The following GDAP1 variants were observed in gnomAD, a reference collection of about 807,000 sequenced individuals.
The protein encoded by GDAP1 is ganglioside induced differentiation associated protein 1.
Under a neutral mutation model 40.1 loss-of-function variants are expected in GDAP1, and 34 were observed. The observed-to-expected ratio is 0.85, with a 90% CI of 0.64 to 1.13. The LOEUF is 1.13. Among genes scored for constraint, GDAP1 ranks in the 50% most tolerant of loss-of-function variants. GDAP1 has a pLI of 0.00. For missense variants in GDAP1, 374 were observed against 433.7 expected (o/e 0.86, Z 1.22); for synonymous variants, 170 against 157.4 (o/e 1.08, Z -0.60).
At chr8:74,373,796 G>A (rs10103846) in intron 2 of GDAP1, among the ~76,000 whole-genome samples, 58,425 of 152,016 alleles carry the variant, frequency 0.38, 11,455 homozygotes, top group Middle Eastern at 0.48. Flanking sequence ...ACACTATGTC[G>A]AATAGGAGTG....
At chr8:74,404,124 G>A (rs1805604787) in intron 2 of GDAP1, among the ~76,000 whole-genome samples, 1 of 149,528 alleles carries the variant, frequency 6.7e-6, no homozygotes, top group Non-Finnish European at 1.5e-5. Context: ...CAATGTACCA[G>A]GAATATGTTA....
intron 2 of GDAP1, among the ~76,000 whole-genome samples, chr8:74,352,643 T>C (rs940836636): frequency 2.6e-5 from 4 of 152,274 alleles, no homozygotes; most frequent in Non-Finnish European, 5.9e-5. Flanking sequence ...TAATTAAAGG[T>C]AGCTTTAGCG....
At chr8:74,469,406 C>G (rs1289676358) in intron 2 of GDAP1, among the ~76,000 whole-genome samples, 1 of 152,054 alleles carries the variant, frequency 6.6e-6, no homozygotes, top group African/African-American at 2.4e-5. Context: ...CAGTGGCTCA[C>G]GCCTGTAATC....
At chr8:74,385,274 C>G (rs1167737209) in intron 2 of GDAP1, among the ~76,000 whole-genome samples, 3 of 152,026 alleles carry the variant, frequency 2.0e-5, no homozygotes, top group African/African-American at 7.2e-5. Flanking sequence ...GTTTGCTGCA[C>G]CCATCAACCC....
chr8:74,487,962 A>G (rs1806796384), intron 2 of GDAP1, among the ~76,000 whole-genome samples: 1 of 152,188 alleles, frequency 6.6e-6, no homozygotes, highest in African/African-American at 2.4e-5. Context: ...TTTGTGTGCC[A>G]GACCTAAATT....
chr8:74,470,262 AT>A (rs1416210578), intron 2 of GDAP1, among the ~76,000 whole-genome samples: 1 of 151,980 alleles, frequency 6.6e-6, no homozygotes, highest in Non-Finnish European at 1.5e-5. Flanking sequence ...CTTTTATTTT[AT>A]TTATTATACT....
intron 2 of GDAP1, among the ~76,000 whole-genome samples, chr8:74,420,558 A>G (rs535879844): frequency 6.6e-6 from 1 of 152,180 alleles, no homozygotes; most frequent in Non-Finnish European, 1.5e-5. Flanking sequence ...AACAGTAACA[A>G]CAGCAGCAGT....
chr8:74,386,454 C>T (rs916093542), intron 2 of GDAP1, among the ~76,000 whole-genome samples: 1 of 152,044 alleles, frequency 6.6e-6, no homozygotes. Context: ...GAATCCTTTC[C>T]TCATTGCTTT....
chr8:74,403,260 G>A (rs932790964), intron 2 of GDAP1, among the ~76,000 whole-genome samples: 5 of 149,932 alleles, frequency 3.3e-5, no homozygotes, highest in Admixed American at 3.3e-4. Context: ...ATTAGTATTG[G>A]AGTCTCCATC....
intron 2 of GDAP1, among the ~76,000 whole-genome samples, chr8:74,473,723 T>A (rs899663140): frequency 6.6e-6 from 1 of 152,246 alleles, no homozygotes; most frequent in Admixed American, 6.5e-5. Flanking sequence ...TAGTACAGTT[T>A]GAAGTCAGGT....
At chr8:74,463,981 G>T (rs1806436187) in intron 2 of GDAP1, among the ~76,000 whole-genome samples, 1 of 152,048 alleles carries the variant, frequency 6.6e-6, no homozygotes, top group African/African-American at 2.4e-5. Flanking sequence ...TATATCAAGA[G>T]AAATGCTATG....
chr8:74,435,403 T>C (rs964417151), intron 2 of GDAP1, among the ~76,000 whole-genome samples: 5 of 152,202 alleles, frequency 3.3e-5, no homozygotes, highest in Middle Eastern at 3.2e-3. Flanking sequence ...GGCAATTCAG[T>C]GTCAACATGC....
rs139399090 is a variant in GDAP1, at chr8:74,392,964, C to T, written c.165+41643C>T. On this transcript the variant is annotated intron_variant, in intron 2 of 2. Coordinates refer to the GDAP1 transcript ENST00000523640. The stretch of plus-strand genomic sequence containing the variant: ...TTTGGCAGTTTGTTACAGAAGCTAG[C>T]GCTATACAGAATCCTAGTAAAATAT... Among the ~76,000 whole-genome samples the T allele has an allele frequency of 4.3e-3, 656 of 152,226 alleles. 5 individuals are homozygous for T. The highest frequency in any genetic ancestry group is 0.013 in the African/African-American group (556 of 41,532).
At chr8:74,372,174 G>A (rs1809765805) in intron 2 of GDAP1, among the ~76,000 whole-genome samples, 1 of 152,160 alleles carries the variant, frequency 6.6e-6, no homozygotes, top group Admixed American at 6.5e-5. Flanking sequence ...ATCATTGATG[G>A]ACATTTGGGT....
intron 2 of GDAP1, among the ~76,000 whole-genome samples, chr8:74,394,099 G>C (rs112608372): frequency 1.4e-3 from 212 of 152,296 alleles, no homozygotes; most frequent in African/African-American, 4.5e-3. Flanking sequence ...GTTCCACATG[G>C]CTGGGGAGGC....
At chr8:74,395,607 G>A (rs141695133) in intron 2 of GDAP1, among the ~76,000 whole-genome samples, 3 of 152,156 alleles carry the variant, frequency 2.0e-5, no homozygotes, top group Non-Finnish European at 4.4e-5. Flanking sequence ...TGACACTAGC[G>A]CATTGCCATT....
At chr8:74,367,692 T>C (rs1809684466), downstream of GDAP1, among the ~76,000 whole-genome samples, 1 of 152,248 alleles carries the variant, frequency 6.6e-6, no homozygotes. Context: ...ACAGTTGTTT[T>C]ACTAGGTAGG....
At chr8:74,413,613 G>A (rs1805742222) in intron 2 of GDAP1, among the ~76,000 whole-genome samples, 1 of 149,720 alleles carries the variant, frequency 6.7e-6, no homozygotes, top group Admixed American at 6.6e-5. Flanking sequence ...GATTTTGGCA[G>A]CAGCAGAAAC....
chr8:74,443,769 C>A (rs1381634233), intron 2 of GDAP1, among the ~76,000 whole-genome samples: 1 of 152,178 alleles, frequency 6.6e-6, no homozygotes, highest in Non-Finnish European at 1.5e-5. Context: ...CTTAGTCATT[C>A]TTTTTTCCAC....
Sources: gnomAD v4.1 joint callset for allele counts (sites outside exome capture counted in the v4.1 genomes callset) on GRCh38, gnomAD v4.1.1 for gene constraint, MANE v1.5 for transcripts, NCBI Gene and HGNC (gene_info 2026-07-23, HGNC 2026-07-21) for gene names.